The following PCK2 variants were observed in gnomAD, a reference collection of about 807,000 sequenced individuals.
The protein encoded by PCK2 is phosphoenolpyruvate carboxykinase 2, mitochondrial, also known as phosphoenolpyruvate carboxykinase [GTP], mitochondrial.
In PCK2, 56 loss-of-function variants were observed where a neutral mutation model predicts 65.9. The observed-to-expected ratio is 0.85, with a 90% CI of 0.69 to 1.06. The LOEUF (loss-of-function observed/expected upper bound fraction) is 1.06. PCK2 is among the 50% of genes least tolerant of loss of function. The pLI is 0.00. For missense variants in PCK2, 843 were observed against 863.1 expected (o/e 0.98, Z 0.29); for synonymous variants, 305 against 319.6 (o/e 0.95, Z 0.49).
At chr14:24,098,891 A>T (rs187144174) in intron 4 of PCK2, among the ~76,000 whole-genome samples, 158 bp from the exon 5 acceptor site, 1 of 152,328 alleles carries the variant, frequency 6.6e-6, no homozygotes, top group Non-Finnish European at 1.5e-5. Flanking sequence ...GAATAGGGGC[A>T]TGGAAGCTGA....
At chr14:24,099,768 C>G (rs1207111842) in intron 6 of PCK2, 48 bp downstream of exon 6, 1 of 1,567,812 alleles carries the variant, frequency 6.4e-7, no homozygotes, top group Non-Finnish European at 8.8e-7. Flanking sequence ...TTGTCAGAGC[C>G]TCGGGGTCTC....
At chr14:24,096,228 CTTTTTTTTT>C (rs34592767) in intron 1 of PCK2, among the ~76,000 whole-genome samples, 24 of 58,850 alleles carry the variant, frequency 4.1e-4, no homozygotes, top group African/African-American at 1.2e-3. Flanking sequence ...CTACTCATTT[CTTTTTTTTT>C]TTTTTTTTTT....
chr14:24,098,778 T>C, intron 4 of PCK2, 100 bp downstream of exon 4: 2 of 1,000,354 alleles, frequency 2.0e-6, no homozygotes, highest in Non-Finnish European at 3.0e-6. Flanking sequence ...ACCTGTCCTC[T>C]CTGGCAACCT....
In PCK2 at chr14:24,099,269, G is replaced by A. The variant is rs201134177; in HGVS notation, c.852+33G>A. The A allele has an allele frequency of 1.1e-4, 171 of 1,570,944 alleles. No homozygotes were observed. In the African/African-American group the frequency reaches 1.3e-3, roughly 12 times the overall value. ...CCTGGTGAGAAGCAGGGCAGCTGCC[G>A]GGGACAGGGCAGGGGTGGGGCCTGG... On this transcript the variant is annotated intron_variant, in intron 5 of 9. Coordinates refer to ENST00000216780, the MANE Select transcript of PCK2 (RefSeq NM_004563.4).
At chr14:24,096,850 T>G in intron 1 of PCK2, 42 bp from the exon 2 acceptor site, 2 of 1,584,530 alleles carry the variant, frequency 1.3e-6, no homozygotes, top group Non-Finnish European at 1.7e-6. Context: ...TTGTCCACTC[T>G]CGATGACAGC....
At position 24,094,489 on chromosome 14, in the gene PCK2, C is replaced by T. The variant is rs1255669667; in HGVS notation, c.29+55C>T. ...GCACCTTCCGCTGCGCTCGCCCCCT[C>T]GGGGCTGCCAGTGGCGCTCTCCTGC... On this transcript the variant is annotated intron_variant, in intron 1 of 9. Coordinates refer to ENST00000216780, the MANE Select transcript of PCK2 (RefSeq NM_004563.4). The surrounding 1 kb of genome is among the most constrained non-coding windows in gnomAD (Gnocchi z 4.1). The T allele has an allele frequency of 2.7e-6, 4 of 1,481,924 alleles. No homozygotes were observed. Among genetic ancestry groups the T allele is most frequent in the African/African-American group, 1.4e-5 (1 of 69,594 alleles). The allele number at this position is 1,481,924 out of a possible 1,614,324, so 91.8% of individuals were successfully genotyped here. A position where few individuals can be genotyped will look rare whatever the true frequency, so the allele number is the denominator to read the frequency against.
At position 24,098,351 on chromosome 14, in the gene PCK2, C is replaced by T. The variant is rs746104381; in HGVS notation, c.424C>T (p.Arg142Ter). The T allele has an allele frequency of 3.2e-5, 52 of 1,613,260 alleles. No homozygotes were observed. The highest frequency in any genetic ancestry group is 9.9e-5 in the South Asian group (9 of 91,000). The change falls in exon 3 of 10, where the codon CGA becomes TGA. Residue 142 changes from arginine (R) to a stop codon, truncating the protein, a stop_gained. Coordinates refer to ENST00000216780, the MANE Select transcript of PCK2 (RefSeq NM_004563.4). LOFTEE classifies it high-confidence loss of function. ...CTGGATGTCCCCAGCTGATTTCCAG[C>T]GAGCTGTGGATGAGAGGTTTCCAGG... ...GNWMSPADFQ[R>*]AVDERFPGCM... is the part of the protein sequence containing the mutation.
chr14:24,095,604 G>T (rs1324713013), intron 1 of PCK2, among the ~76,000 whole-genome samples: 1 of 152,104 alleles, frequency 6.6e-6, no homozygotes, highest in Non-Finnish European at 1.5e-5. Flanking sequence ...CCTCTAGGAA[G>T]AAGAGCCAGG....
intron 7 of PCK2, among the ~76,000 whole-genome samples, chr14:24,101,424 A>G (rs1263085206): frequency 1.3e-5 from 2 of 152,012 alleles, no homozygotes; most frequent in African/African-American, 2.4e-5. Context: ...CACCATGTCC[A>G]CTCAGGGGCC....
chr14:24,098,581 T>C lies in PCK2; in HGVS notation c.567T>C (p.Arg189=). ...CAGCCTATGTGGTGGCAAGCATGCGTATTATGACCCGACTGGGGACACCTG... is the reference window on the plus strand; with the variant it reads ...CAGCCTATGTGGTGGCAAGCATGCGCATTATGACCCGACTGGGGACACCTG... The part of the protein sequence containing the change: ...TDSAYVVASM[R]IMTRLGTPVL... Residue 189 remains arginine, a synonymous_variant, in exon 4 of 10, where the codon CGT becomes CGC. Coordinates refer to ENST00000216780, the MANE Select transcript of PCK2 (RefSeq NM_004563.4). 2 of 1,614,080 alleles carry C rather than the reference T, an allele frequency of 1.2e-6. No homozygotes were observed. Among genetic ancestry groups the C allele is most frequent in the South Asian group, 2.2e-5 (2 of 91,084 alleles).
In PCK2 at chr14:24,100,658, G is replaced by A. The variant is rs2037126866; in HGVS notation, c.1234+445G>A. ...CTCCAAGCACTATCCATAAAGTTTG[G>A]CCCATTAGGAAAAGAGGAAAGCTGC... On this transcript the variant is annotated intron_variant, in intron 7 of 9. Transcript: ENST00000216780. The A allele has an allele frequency of 1.6e-5, 14 of 859,942 alleles. No individual in the cohort carries two copies. In the South Asian group the frequency reaches 6.6e-4, roughly 41 times the overall value. 53.3% of individuals were successfully genotyped at this position (859,942 alleles called of 1,614,324 possible).
chr14:24,094,327 C>T lies in PCK2; in HGVS notation c.-79C>T. 2.9e-6 allele frequency: 4 copies of T among 1,400,290 alleles called. No individual in the cohort carries two copies. Among genetic ancestry groups the T allele is most frequent in the East Asian group, 5.2e-5 (2 of 38,250 alleles). 86.7% of individuals were successfully genotyped at this position (1,400,290 alleles called of 1,614,324 possible). A position where few individuals can be genotyped will look rare whatever the true frequency, so the allele number is the denominator to read the frequency against. On this transcript the variant is annotated 5_prime_UTR_variant, in exon 1 of 10. Transcript: ENST00000216780. This position sits in a 1 kb window ranked among gnomAD's most constrained non-coding sequence, Gnocchi z 4.1. The stretch of plus-strand genomic sequence containing the variant: ...GCCTCTGCTGTGGCTCGCTTCGCCG[C>T]GCTCCCTCCTTCCCCGCCTTCCATA...
At chr14:24,098,962 C>T (rs1196380247) in intron 4 of PCK2, 87 bp from the exon 5 acceptor site, 1 of 1,048,040 alleles carries the variant, frequency 9.5e-7, no homozygotes, top group Non-Finnish European at 1.4e-6. Context: ...TCCCAAGTGT[C>T]TCTCCTGCCA....
Position 24,098,595 on chromosome 14 carries a change from TG to T in PCK2, c.585del (p.Thr196HisfsTer23), listed in dbSNP as rs1225370505. 1 of 1,613,982 alleles carries T rather than the reference TG, an allele frequency of 6.2e-7. No individual in the cohort carries two copies. The highest frequency in any genetic ancestry group is 1.3e-5 in the African/African-American group (1 of 74,926). On this transcript the variant is annotated frameshift_variant, in exon 4 of 10. Coordinates refer to ENST00000216780, the MANE Select transcript of PCK2 (RefSeq NM_004563.4). LOFTEE classifies it high-confidence loss of function. ...VVASMRIMTRLGTPVLQALGD... is the reference protein window; with the variant it reads ...VVASMRIMTRXGTPVLQALGD... ...GCAAGCATGCGTATTATGACCCGACTGGGGACACCTGTGCTTCAGGCCCTGG... is the reference window on the plus strand; with the variant it reads ...GCAAGCATGCGTATTATGACCCGACTGGGACACCTGTGCTTCAGGCCCTGG...
chr14:24,100,536 A>T (rs2037121063), intron 7 of PCK2: 1 of 975,432 alleles, frequency 1.0e-6, no homozygotes, highest in Non-Finnish European at 1.3e-6. Flanking sequence ...CACACTGACA[A>T]ATACACAGTA....
At chr14:24,102,718 C>T (rs1394582386) in intron 7 of PCK2, 35 bp from the exon 8 acceptor site, 1 of 1,594,750 alleles carries the variant, frequency 6.3e-7, no homozygotes, top group Non-Finnish European at 8.6e-7. Flanking sequence ...TCGACATGAC[C>T]TTGGAAATAA....
At position 24,097,036 on chromosome 14, in the gene PCK2, G is replaced by A. The variant is rs1431122666; in HGVS notation, c.174G>A (p.Glu58=). ...ACAGTGCCCGCCTGTGCCAACCAGA[G>A]GGCATCCACATCTGTGATGGAACTG... The part of the protein sequence containing the change: ...VEHSARLCQP[E]GIHICDGTEA... The change falls in exon 2 of 10, where the codon GAG becomes GAA. Residue 58 remains glutamate, a synonymous_variant. Coordinates refer to ENST00000216780, the MANE Select transcript of PCK2 (RefSeq NM_004563.4). The A allele has an allele frequency of 5.0e-6, 8 of 1,613,378 alleles. No homozygotes were observed. The East Asian group carries it at 1.8e-4, about 36-fold the overall frequency.
chr14:24,098,450 A>T, intron 3 of PCK2, 25 bp from the exon 4 acceptor site: 2 of 1,613,724 alleles, frequency 1.2e-6, no homozygotes, highest in Non-Finnish European at 1.7e-6. Context: ...GGAACCCTTC[A>T]TCCAGGGGAT....
chr14:24,095,262 G>A (rs1359864978), intron 1 of PCK2: 1 of 454,980 alleles, frequency 2.2e-6, no homozygotes, highest in Admixed American at 2.3e-5. Context: ...AGGGTGTGGG[G>A]GCTTCACAAG....
Sources: allele counts gnomAD v4.1 joint callset (sites outside exome capture counted in the v4.1 genomes callset), GRCh38; gene constraint gnomAD v4.1.1; non-coding constraint Gnocchi (gnomAD v3.1); transcripts MANE v1.5; gene names NCBI Gene and HGNC (gene_info 2026-07-23, HGNC 2026-07-21).